ABLIM1: variants seen among roughly 807,000 people sequenced by gnomAD.
ABLIM1 encodes actin-binding LIM protein 1.
ABLIM1 carries 40 observed loss-of-function variants against 107.0 expected under a neutral mutation model. That is an observed-to-expected ratio of 0.37 (90% confidence interval 0.29 to 0.49). The LOEUF (loss-of-function observed/expected upper bound fraction) is 0.49, where lower values mean the gene tolerates loss of function less well. ABLIM1 is among the 20% of genes least tolerant of loss of function. ABLIM1 has a pLI of 0.97. For missense variants in ABLIM1, 857 were observed against 1,008.5 expected (o/e 0.85, Z 2.04); for synonymous variants, 357 against 357.3 (o/e 1.00, Z 0.01).
At chr10:114,767,907 CT>C (rs1267159127) in intron 1 of ABLIM1, among the ~76,000 whole-genome samples, 1 of 152,154 alleles carries the variant, frequency 6.6e-6, no homozygotes, top group Admixed American at 6.5e-5. Flanking sequence ...CTTCCTTCCC[CT>C]GCCCCCGGCC....
intron 6 of ABLIM1, among the ~76,000 whole-genome samples, chr10:114,525,409 G>A (rs1288402577): frequency 6.6e-6 from 1 of 152,182 alleles, no homozygotes; most frequent in Non-Finnish European, 1.5e-5. Context: ...CTGATGCGAG[G>A]ATTAGACTCA....
rs2062729878 is a variant in ABLIM1 at position 114,455,923 on chromosome 10, C to G, written c.1442-2440G>C. The stretch of plus-strand genomic sequence containing the variant: ...CGCCTCCTGGGTTCACGCCATTCTC[C>G]CGCCTCACCCTCCTGAGTAGCTGGG... On this transcript the variant is annotated intron_variant, in intron 12 of 22. Transcript: ENST00000533213. Among the ~76,000 whole-genome samples the G allele has an allele frequency of 3.9e-5, 6 of 152,198 alleles. 1 individual carries two copies. In the South Asian group the frequency reaches 1.2e-3, roughly 32 times the overall value.
intron 7 of ABLIM1, 144 bp downstream of exon 7, chr10:114,491,647 G>T: frequency 1.5e-6 from 1 of 665,048 alleles, no homozygotes; most frequent in South Asian, 2.1e-5. Context: ...AACTGATGAG[G>T]TAACTTTTGG....
chr10:114,740,865 G>A (rs531318469), intron 1 of ABLIM1, among the ~76,000 whole-genome samples: 5 of 151,970 alleles, frequency 3.3e-5, no homozygotes, highest in East Asian at 3.9e-4. Flanking sequence ...CCAACATGGT[G>A]AAGCCCCATA....
intron 4 of ABLIM1, among the ~76,000 whole-genome samples, chr10:114,556,745 T>C (rs1490322420): frequency 6.6e-6 from 1 of 152,198 alleles, no homozygotes; most frequent in African/African-American, 2.4e-5. Context: ...GGCTGTTCAA[T>C]GTTGCCAGGT....
intron 1 of ABLIM1, among the ~76,000 whole-genome samples, chr10:114,635,647 C>T (rs2078440558): frequency 6.6e-6 from 1 of 152,236 alleles, no homozygotes; most frequent in African/African-American, 2.4e-5. Flanking sequence ...GCTTCAGCCT[C>T]CCGAGTAGCT....
rs151279055 is a variant in ABLIM1, at chr10:114,619,385, C to T, written c.245-17424G>A. On this transcript the variant is annotated intron_variant, in intron 1 of 22. Transcript: ENST00000533213. This position sits in a 1 kb window ranked among gnomAD's most constrained non-coding sequence, Gnocchi z 4.1. The stretch of plus-strand genomic sequence containing the variant: ...CTAATTTTTTTATTTTTAGTAGAGA[C>T]GAGGTTTCACTATGTTGCCCAGGCT... Among the ~76,000 whole-genome samples the T allele has an allele frequency of 5.9e-3, 901 of 151,916 alleles. 10 individuals are homozygous for T. Among genetic ancestry groups the T allele is most frequent in the African/African-American group, 0.021 (860 of 41,400 alleles).
At chr10:114,623,520 A>C (rs1241989514) in intron 1 of ABLIM1, among the ~76,000 whole-genome samples, 1 of 152,202 alleles carries the variant, frequency 6.6e-6, no homozygotes, top group African/African-American at 2.4e-5. Context: ...GGGAATGAAG[A>C]AGCTACTTCT....
At chr10:114,599,600 C>T (rs981057716) in intron 2 of ABLIM1, among the ~76,000 whole-genome samples, 2 of 151,806 alleles carry the variant, frequency 1.3e-5, no homozygotes, top group African/African-American at 4.8e-5. Flanking sequence ...GATGAAACCC[C>T]ATCTCTGCTG....
At chr10:114,744,771 C>G (rs1046016835) in intron 1 of ABLIM1, among the ~76,000 whole-genome samples, 10 of 152,162 alleles carry the variant, frequency 6.6e-5, no homozygotes, top group Admixed American at 1.3e-4. Flanking sequence ...TTTTGGGTAG[C>G]ATCATTCTTT....
At chr10:114,699,595 G>A (rs1376407555) in intron 1 of ABLIM1, among the ~76,000 whole-genome samples, 1 of 152,098 alleles carries the variant, frequency 6.6e-6, no homozygotes, top group Non-Finnish European at 1.5e-5. Context: ...AAGGTATTAT[G>A]TAGAGTCAGA....
chr10:114,663,704 C>T (rs544477737), intron 1 of ABLIM1, among the ~76,000 whole-genome samples: 1 of 152,320 alleles, frequency 6.6e-6, no homozygotes, highest in African/African-American at 2.4e-5. Context: ...GGCACATGCC[C>T]GAGAGGCCCT....
chr10:114,644,021 T>C (rs947320896), intron 1 of ABLIM1, among the ~76,000 whole-genome samples: 7 of 151,504 alleles, frequency 4.6e-5, no homozygotes, highest in Non-Finnish European at 1.0e-4. Flanking sequence ...GTGGCTCATA[T>C]CTGTAATCCC....
At chr10:114,698,718 G>A (rs953693328) in intron 1 of ABLIM1, among the ~76,000 whole-genome samples, 1 of 152,192 alleles carries the variant, frequency 6.6e-6, no homozygotes, top group Non-Finnish European at 1.5e-5. Flanking sequence ...ACTACCATGA[G>A]GCTTGGCAGT....
In ABLIM1 at chr10:114,488,969, C is replaced by T. The variant is rs76023317; in HGVS notation, c.983-953G>A. Among the ~76,000 whole-genome samples the T allele has an allele frequency of 9.1e-3, 1,389 of 152,216 alleles. 24 individuals carry two copies. The highest frequency in any genetic ancestry group is 0.032 in the African/African-American group (1,344 of 41,530). On this transcript the variant is annotated intron_variant, in intron 7 of 22. Coordinates refer to ENST00000533213, the MANE Select transcript of ABLIM1 (RefSeq NM_002313.7). ...AAGCATAAATTACATAAATAAAATT[C>T]ACAGTATGAATATCAGAGTTTCCAC...
At chr10:114,563,529 G>A (rs557192167) in intron 4 of ABLIM1, among the ~76,000 whole-genome samples, 71 of 152,146 alleles carry the variant, frequency 4.7e-4, no homozygotes, top group Admixed American at 1.7e-3. Flanking sequence ...AATATAATAC[G>A]TTAAGTATAT....
chr10:114,562,419 C>T (rs980443564), intron 4 of ABLIM1, among the ~76,000 whole-genome samples: 1 of 152,122 alleles, frequency 6.6e-6, no homozygotes, highest in African/African-American at 2.4e-5. Context: ...GTCCCAGCTA[C>T]TCGGGAGGCT....
At chr10:114,769,418 A>G (rs868729456), upstream of ABLIM1, among the ~76,000 whole-genome samples, 55 of 19,894 alleles carry the variant, frequency 2.8e-3, no homozygotes, top group Admixed American at 6.0e-3. Context: ...AAGAAAGAAA[A>G]GAAGGAAAGA....
chr10:114,440,078 A>T lies in ABLIM1; in HGVS notation c.2067+4T>A, dbSNP rs1335621270. On this transcript the variant is annotated splice_donor_region_variant and intron_variant, in intron 20 of 22. Coordinates refer to ENST00000533213, the MANE Select transcript of ABLIM1 (RefSeq NM_002313.7). ...CAATTCAAGAAAGACAAAGTGTTCC[A>T]TACCTGGTAATCTGAAAAGGAAAGG... 1.4e-5 allele frequency: 22 copies of T among 1,613,842 alleles called. No individual in the cohort carries two copies. The highest frequency in any genetic ancestry group is 1.8e-5 in the Non-Finnish European group (21 of 1,179,980).
Sources: gnomAD v4.1 joint callset for allele counts (sites outside exome capture counted in the v4.1 genomes callset) on GRCh38, gnomAD v4.1.1 for gene constraint, Gnocchi (gnomAD v3.1) non-coding constraint, MANE v1.5 for transcripts, NCBI Gene and HGNC (gene_info 2026-07-23, HGNC 2026-07-21) for gene names.